The following KIRREL3 variants were observed in gnomAD, a reference collection of about 807,000 sequenced individuals.
KIRREL3 encodes kirre like nephrin family adhesion molecule 3.
KIRREL3 carries 36 observed loss-of-function variants against 89.7 expected under a neutral mutation model. The ratio of observed to expected loss-of-function variants is 0.40; its 90% CI spans 0.31 to 0.53. KIRREL3 has a LOEUF of 0.53. Ranked by LOEUF, KIRREL3 falls within the 20% of genes least tolerant of loss-of-function variation. KIRREL3 has a pLI of 0.49. For missense variants in KIRREL3, 864 were observed against 1,056.6 expected, an observed-to-expected ratio of 0.82 and a Z score of 2.53; for synonymous variants, 445 against 441.4, an observed-to-expected ratio of 1.01 and a Z score of -0.10.
At chr11:126,858,749 A>T (rs1944617442) in intron 1 of KIRREL3, among the ~76,000 whole-genome samples, 2 of 152,208 alleles carry the variant, frequency 1.3e-5, no homozygotes, top group South Asian at 4.1e-4. Context: ...GAGACAGCTG[A>T]TAGGCAGTGT....
At position 126,462,670 on chromosome 11, in the gene KIRREL3, G is replaced by A. The variant is rs1037983580; in HGVS notation, c.742+487C>T. ...AACAGAGTGAGACTCTGTCTCGAAA[G>A]AATAAAAAAAAGATTAAATGAGATA... On this transcript the variant is annotated intron_variant, in intron 6 of 16. Transcript: ENST00000525144. The surrounding 1 kb of genome is among the most constrained non-coding windows in gnomAD (Gnocchi z 4.8). Among the ~76,000 whole-genome samples, 2 of 151,894 alleles carry A rather than the reference G, an allele frequency of 1.3e-5. No homozygotes were observed. Among genetic ancestry groups the A allele is most frequent in the African/African-American group, 4.8e-5 (2 of 41,340 alleles).
At chr11:126,511,745 C>CG (rs1229127985) in intron 4 of KIRREL3, among the ~76,000 whole-genome samples, 3 of 152,204 alleles carry the variant, frequency 2.0e-5, no homozygotes, top group African/African-American at 2.4e-5. Context: ...CACTGGCTGC[C>CG]GGGGGGAAGG....
chr11:126,894,031 G>C lies in KIRREL3; in HGVS notation c.55+106424C>G, dbSNP rs1248263273. ...GTTGAGATTCAAGCAGCTTCAGCAG[G>C]CTCTCCCCCAGTGCAGCTGGAAAAC... On this transcript the variant is annotated intron_variant, in intron 1 of 16. Coordinates refer to ENST00000525144, the MANE Select transcript of KIRREL3 (RefSeq NM_032531.4). Among the ~76,000 whole-genome samples, 3 of 152,180 alleles carry C rather than the reference G, an allele frequency of 2.0e-5. No homozygotes were observed. The South Asian group carries it at 6.2e-4, about 32-fold the overall frequency.
rs1946567947 is a variant in KIRREL3 at position 126,905,999 on chromosome 11, A to AAAT, written c.55+94453_55+94455dup. The stretch of plus-strand genomic sequence containing the variant: ...TTGTCAGTTCAGGTCTCCAGGTCAA[A>AAAT]AATCATTTTATCTGCTGAAGCAGAT... On this transcript the variant is annotated intron_variant, in intron 1 of 16. Coordinates refer to ENST00000525144, the MANE Select transcript of KIRREL3 (RefSeq NM_032531.4). This position sits in a 1 kb window ranked among gnomAD's most constrained non-coding sequence, Gnocchi z 5.0. 6.6e-6 allele frequency among the ~76,000 whole-genome samples: 1 copy of AAAT among 152,276 alleles called. No homozygotes were observed. Among genetic ancestry groups the AAAT allele is most frequent in the African/African-American group, 2.4e-5 (1 of 41,564 alleles).
At chr11:126,749,215 C>T (rs559910741) in intron 1 of KIRREL3, among the ~76,000 whole-genome samples, 1 of 152,274 alleles carries the variant, frequency 6.6e-6, no homozygotes, top group African/African-American at 2.4e-5. Flanking sequence ...CGACTGTTTT[C>T]GTGGAGGTAT....
intron 1 of KIRREL3, among the ~76,000 whole-genome samples, chr11:126,822,489 T>TTA (rs5795527): frequency 0.86 from 131,339 of 152,140 alleles, 57,040 homozygotes; most frequent in East Asian, 1. Context: ...TAATAGGAAT[T>TTA]TATGTTTCCT....
In KIRREL3 at chr11:126,689,151, T is replaced by C. The variant is rs1439133015; in HGVS notation, c.56-126239A>G. 1.3e-5 allele frequency among the ~76,000 whole-genome samples: 2 copies of C among 152,018 alleles called. No homozygotes were observed. Among genetic ancestry groups the C allele is most frequent in the African/African-American group, 2.4e-5 (1 of 41,346 alleles). On this transcript the variant is annotated intron_variant, in intron 1 of 16. Coordinates refer to ENST00000525144, the MANE Select transcript of KIRREL3 (RefSeq NM_032531.4). This position sits in a 1 kb window ranked among gnomAD's most constrained non-coding sequence, Gnocchi z 5.2. ...GGTGATAAACTGGCCCACTGTGATC[T>C]TGCAGGAAACATCAACAGTCTGAGA...
chr11:126,886,849 T>C (rs1352365223), intron 1 of KIRREL3, among the ~76,000 whole-genome samples: 2 of 152,186 alleles, frequency 1.3e-5, no homozygotes, highest in Non-Finnish European at 2.9e-5. Context: ...CTGAGAATAA[T>C]GGTCACATTC....
rs531341588 is a variant in KIRREL3 at position 126,601,714 on chromosome 11, G to C, written c.56-38802C>G. ...CCTCCATTCTTCTCATGCATCCTGCGGTGCCATTCGCCCACCCCGCCTACA... is the reference window on the plus strand; with the variant it reads ...CCTCCATTCTTCTCATGCATCCTGCCGTGCCATTCGCCCACCCCGCCTACA... On this transcript the variant is annotated intron_variant, in intron 1 of 16. Coordinates refer to ENST00000525144, the MANE Select transcript of KIRREL3 (RefSeq NM_032531.4). The surrounding 1 kb of genome is among the most constrained non-coding windows in gnomAD (Gnocchi z 5.8). Among the ~76,000 whole-genome samples, 3 of 152,084 alleles carry C rather than the reference G, an allele frequency of 2.0e-5. No homozygotes were observed. The highest frequency in any genetic ancestry group is 7.2e-5 in the African/African-American group (3 of 41,484).
intron 1 of KIRREL3, among the ~76,000 whole-genome samples, chr11:126,757,951 C>A (rs1949557449): frequency 6.6e-6 from 1 of 152,168 alleles, no homozygotes; most frequent in South Asian, 2.1e-4. Flanking sequence ...TGGCAACCAA[C>A]CATTCAATTG....
Position 126,647,801 on chromosome 11 carries a change from G to A in KIRREL3, c.56-84889C>T, listed in dbSNP as rs537282287. Among the ~76,000 whole-genome samples the A allele has an allele frequency of 1.2e-4, 19 of 152,286 alleles. No homozygotes were observed. The highest frequency in any genetic ancestry group is 3.9e-4 in the East Asian group (2 of 5,170). On this transcript the variant is annotated intron_variant, in intron 1 of 16. Coordinates refer to ENST00000525144, the MANE Select transcript of KIRREL3 (RefSeq NM_032531.4). The surrounding 1 kb of genome is among the most constrained non-coding windows in gnomAD (Gnocchi z 4.9). ...TTAAAAACCTAAGTCAGAGGGAGCC[G>A]TTCCTTTGTTCAGAACGGTGCAGAG...
intron 1 of KIRREL3, among the ~76,000 whole-genome samples, chr11:126,980,078 C>T (rs1407685200): frequency 6.6e-6 from 1 of 152,148 alleles, no homozygotes; most frequent in Non-Finnish European, 1.5e-5. Flanking sequence ...GGCAGAGTGA[C>T]TGTGAGTGGG....
In KIRREL3 at chr11:126,906,325, T is replaced by C. The variant is rs1340212016; in HGVS notation, c.55+94130A>G. ...ATGAGCCACTTTTCGTTGTTTGCTTTCTTAAAAATAAGCATTAAAAGGTAG... is the reference window on the plus strand; with the variant it reads ...ATGAGCCACTTTTCGTTGTTTGCTTCCTTAAAAATAAGCATTAAAAGGTAG... On this transcript the variant is annotated intron_variant, in intron 1 of 16. Transcript: ENST00000525144. This position sits in a 1 kb window ranked among gnomAD's most constrained non-coding sequence, Gnocchi z 4.1. 6.6e-6 allele frequency among the ~76,000 whole-genome samples: 1 copy of C among 152,202 alleles called. No individual in the cohort carries two copies. Among genetic ancestry groups the C allele is most frequent in the African/African-American group, 2.4e-5 (1 of 41,458 alleles).
chr11:126,452,851 C>G (rs966890459), intron 7 of KIRREL3, among the ~76,000 whole-genome samples: 2 of 152,148 alleles, frequency 1.3e-5, no homozygotes, highest in African/African-American at 4.8e-5. Context: ...CTCGCCCAGC[C>G]GGTCTTTCTT....
intron 1 of KIRREL3, among the ~76,000 whole-genome samples, chr11:126,836,670 T>C (rs1046231591): frequency 3.3e-5 from 5 of 152,196 alleles, no homozygotes; most frequent in Admixed American, 6.5e-5. Context: ...GAGAATTTTT[T>C]CCTTAACTCC....
chr11:126,813,192 C>T (rs1249333335), intron 1 of KIRREL3, among the ~76,000 whole-genome samples: 1 of 152,168 alleles, frequency 6.6e-6, no homozygotes, highest in Non-Finnish European at 1.5e-5. Context: ...TAACTTGATT[C>T]AAGGACTGTG....
chr11:126,449,224 C>A, intron 7 of KIRREL3, 67 bp from the exon 8 acceptor site: 3 of 1,557,132 alleles, frequency 1.9e-6, no homozygotes, highest in Non-Finnish European at 2.6e-6. Context: ...GAGCTGGACA[C>A]ATCCATCCCA....
chr11:126,800,887 A>G (rs2134392977), intron 1 of KIRREL3, among the ~76,000 whole-genome samples: 1 of 152,322 alleles, frequency 6.6e-6, no homozygotes, highest in Non-Finnish European at 1.5e-5. Context: ...GAGTGGCTGC[A>G]TTCTGAGCCA....
In KIRREL3 at chr11:126,490,407, CAT is replaced by C. The variant is rs1278483788; in HGVS notation, c.434-16943_434-16942del. 7.2e-5 allele frequency among the ~76,000 whole-genome samples: 11 copies of C among 152,042 alleles called. No individual in the cohort carries two copies. The East Asian group carries it at 1.6e-3, about 21-fold the overall frequency. ...GTGAGCCAGGTTATTGGAAATAGAC[CAT>C]GTAGGCCTGTGTTCCACGGGTGCTC... On this transcript the variant is annotated intron_variant, in intron 4 of 16. Coordinates refer to ENST00000525144, the MANE Select transcript of KIRREL3 (RefSeq NM_032531.4). This position sits in a 1 kb window ranked among gnomAD's most constrained non-coding sequence, Gnocchi z 4.2.
Sources: gnomAD v4.1 joint callset for allele counts (sites outside exome capture counted in the v4.1 genomes callset) on GRCh38, gnomAD v4.1.1 for gene constraint, Gnocchi (gnomAD v3.1) non-coding constraint, MANE v1.5 for transcripts, NCBI Gene and HGNC (gene_info 2026-07-23, HGNC 2026-07-21) for gene names.